The following ADRA1B variants were observed in gnomAD, a reference collection of about 807,000 sequenced individuals.
ADRA1B encodes alpha-1B adrenergic receptor.
In ADRA1B, 17 loss-of-function variants were observed where a neutral mutation model predicts 17.9. The ratio of observed to expected loss-of-function variants is 0.95; its 90% CI spans 0.65 to 1.42. The LOEUF is 1.42. ADRA1B is among the 40% of genes most tolerant of loss of function. The pLI is 0.00. For synonymous variants in ADRA1B, 366 were observed against 327.6 expected, an observed-to-expected ratio of 1.12 and a Z score of -1.27; for missense variants, 681 against 722.1, an observed-to-expected ratio of 0.94 and a Z score of 0.65.
intron 1 of ADRA1B, among the ~76,000 whole-genome samples, chr5:159,951,923 G>C (rs546044201): frequency 6.6e-6 from 1 of 152,112 alleles, no homozygotes; most frequent in Non-Finnish European, 1.5e-5. Flanking sequence ...TGTGAGTTAG[G>C]CATCTCTTCT....
intron 1 of ADRA1B, among the ~76,000 whole-genome samples, chr5:159,907,199 T>A (rs542870929): frequency 6.6e-6 from 1 of 152,336 alleles, no homozygotes; most frequent in East Asian, 1.9e-4. Context: ...ACTGGCCAAC[T>A]GCCTGCCACA....
chr5:159,967,957 G>A (rs183533438), intron 1 of ADRA1B, among the ~76,000 whole-genome samples: 23 of 152,248 alleles, frequency 1.5e-4, no homozygotes, highest in Admixed American at 1.1e-3. Flanking sequence ...CGTATGCCGC[G>A]CAGACATAGG....
intron 1 of ADRA1B, among the ~76,000 whole-genome samples, chr5:159,895,420 G>C (rs1313104044): frequency 6.6e-6 from 1 of 152,240 alleles, no homozygotes; most frequent in African/African-American, 2.4e-5. Flanking sequence ...CCTGGAACAA[G>C]ATGCTACTGC....
At chr5:159,876,358 C>T (rs1753802515) in intron 1 of ADRA1B, among the ~76,000 whole-genome samples, 1 of 152,180 alleles carries the variant, frequency 6.6e-6, no homozygotes, top group African/African-American at 2.4e-5. Context: ...AGCACCACAT[C>T]CTCATGACAT....
intron 1 of ADRA1B, among the ~76,000 whole-genome samples, chr5:159,887,505 C>A (rs1753938219): frequency 6.6e-6 from 1 of 152,172 alleles, no homozygotes; most frequent in African/African-American, 2.4e-5. Context: ...TGTGGTGTGG[C>A]TATCCAGTTG....
At chr5:159,975,193 C>G (rs78459733), downstream of ADRA1B, among the ~76,000 whole-genome samples, 1,954 of 152,278 alleles carry the variant, frequency 0.013, 35 homozygotes, top group African/African-American at 0.044. Flanking sequence ...ATAAGATCAG[C>G]CCATAGTGGA....
chr5:159,926,658 G>A lies in ADRA1B; in HGVS notation c.949+8804G>A, dbSNP rs1475093998. 2.6e-5 allele frequency among the ~76,000 whole-genome samples: 4 copies of A among 152,008 alleles called. No individual in the cohort carries two copies. In the South Asian group the frequency reaches 6.2e-4, roughly 24 times the overall value. On this transcript the variant is annotated intron_variant, in intron 1 of 1. Coordinates refer to ENST00000306675, the MANE Select transcript of ADRA1B (RefSeq NM_000679.4). ...TCCCAGCACTTTGGGAGGCCGAGGCGGGCGGATCACTTGAGGTCGGGAGTT... is the reference window on the plus strand; with the variant it reads ...TCCCAGCACTTTGGGAGGCCGAGGCAGGCGGATCACTTGAGGTCGGGAGTT...
At chr5:159,874,067 T>G (rs1328255354) in intron 1 of ADRA1B, among the ~76,000 whole-genome samples, 7 of 152,214 alleles carry the variant, frequency 4.6e-5, no homozygotes, top group African/African-American at 1.4e-4. Flanking sequence ...GTAGCCCTTC[T>G]GGGCTATTGG....
chr5:159,868,154 A>G (rs1175653427), intron 1 of ADRA1B: 1 of 152,240 alleles, frequency 6.6e-6, no homozygotes, highest in African/African-American at 2.4e-5. Context: ...GTCATTGCAA[A>G]GAATAAATAA....
intron 1 of ADRA1B, among the ~76,000 whole-genome samples, chr5:159,950,247 A>G (rs1214378765): frequency 1.3e-5 from 2 of 152,128 alleles, no homozygotes; most frequent in East Asian, 1.9e-4. Context: ...AGCTTAAGTG[A>G]TCTGCCCTTT....
chr5:159,920,487 A>G (rs1371403011), intron 1 of ADRA1B, among the ~76,000 whole-genome samples: 3 of 152,084 alleles, frequency 2.0e-5, no homozygotes, highest in Non-Finnish European at 4.4e-5. Context: ...CCTTGATGCT[A>G]TCTTGTTTCT....
chr5:159,904,845 C>A (rs1561586481), intron 1 of ADRA1B, among the ~76,000 whole-genome samples: 1 of 152,226 alleles, frequency 6.6e-6, no homozygotes, highest in East Asian at 1.9e-4. Flanking sequence ...GAACTTCAGA[C>A]CCTAACACAG....
At chr5:159,880,507 C>T (rs904406430) in intron 1 of ADRA1B, among the ~76,000 whole-genome samples, 1 of 152,210 alleles carries the variant, frequency 6.6e-6, no homozygotes, top group Non-Finnish European at 1.5e-5. Context: ...GGGGCAGAAT[C>T]TTAAAGGTCA....
chr5:159,889,888 G>T (rs1300460452), intron 1 of ADRA1B, among the ~76,000 whole-genome samples: 3 of 152,168 alleles, frequency 2.0e-5, no homozygotes, highest in African/African-American at 4.8e-5. Context: ...TATAACCAGA[G>T]ATCTTCCTTC....
At chr5:159,891,445 G>A (rs1015983348) in intron 1 of ADRA1B, among the ~76,000 whole-genome samples, 3 of 152,122 alleles carry the variant, frequency 2.0e-5, no homozygotes, top group Admixed American at 6.5e-5. Context: ...GCAAGAAGTA[G>A]GGTTCCGCAT....
intron 1 of ADRA1B, among the ~76,000 whole-genome samples, chr5:159,919,970 C>T (rs898240058): frequency 9.9e-5 from 15 of 152,232 alleles, no homozygotes; most frequent in Non-Finnish European, 1.9e-4. Context: ...CTCTAGGCTT[C>T]AGGCCTCACA....
chr5:159,903,490 C>T (rs1754124988), intron 1 of ADRA1B, among the ~76,000 whole-genome samples: 1 of 152,184 alleles, frequency 6.6e-6, no homozygotes, highest in Non-Finnish European at 1.5e-5. Flanking sequence ...TCACTATGAT[C>T]CTCCAAGTGT....
intron 1 of ADRA1B, among the ~76,000 whole-genome samples, chr5:159,909,611 A>T (rs780063224): frequency 6.6e-6 from 1 of 152,248 alleles, no homozygotes; most frequent in African/African-American, 2.4e-5. Flanking sequence ...ACAATTCTCT[A>T]TGCATCCTCC....
intron 1 of ADRA1B, among the ~76,000 whole-genome samples, chr5:159,923,545 G>A (rs1754551783): frequency 6.6e-6 from 1 of 152,252 alleles, no homozygotes; most frequent in South Asian, 2.1e-4. Context: ...GTTGAGAAGG[G>A]GAACAGAGTG....
Sources: gnomAD v4.1 joint callset for allele counts (sites outside exome capture counted in the v4.1 genomes callset) on GRCh38, gnomAD v4.1.1 for gene constraint, MANE v1.5 for transcripts, NCBI Gene and HGNC (gene_info 2026-07-23, HGNC 2026-07-21) for gene names.